LAMA2: variants seen among roughly 807,000 people sequenced by gnomAD.
LAMA2 encodes the protein laminin subunit alpha-2.
In LAMA2, 269 loss-of-function variants were observed where a neutral mutation model predicts 364.8. That is an observed-to-expected ratio of 0.74 (90% CI 0.67 to 0.82). The LOEUF is 0.82. Ranked by LOEUF, LAMA2 falls within the 40% of genes least tolerant of loss-of-function variation. The pLI, the probability that LAMA2 is intolerant of heterozygous loss-of-function variation, is 0.00. For missense variants in LAMA2, 3,807 were observed against 3,873.2 expected (o/e 0.98, Z 0.45); for synonymous variants, 1,379 against 1,370.6 (o/e 1.01, Z -0.14).
chr6:129,452,961 GT>G, intron 45 of LAMA2, 26 bp from the exon 46 acceptor site: 1 of 1,606,526 alleles, frequency 6.2e-7, no homozygotes, highest in Non-Finnish European at 8.5e-7. Flanking sequence ...TTTACTCTTG[GT>G]TCTTTGTATC....
chr6:129,079,743 A>G (rs1330699607), intron 3 of LAMA2, among the ~76,000 whole-genome samples: 1 of 152,144 alleles, frequency 6.6e-6, no homozygotes, highest in East Asian at 1.9e-4. Context: ...ATCTTGAAAC[A>G]TGACAGATAC....
chr6:129,137,826 G>T (rs771593002), intron 4 of LAMA2, among the ~76,000 whole-genome samples: 1 of 151,610 alleles, frequency 6.6e-6, no homozygotes, highest in Non-Finnish European at 1.5e-5. Context: ...AAACACTGAG[G>T]GTTTACAATA....
At chr6:128,898,115 A>C (rs1422127214) in intron 1 of LAMA2, among the ~76,000 whole-genome samples, 1 of 152,248 alleles carries the variant, frequency 6.6e-6, no homozygotes, top group Non-Finnish European at 1.5e-5. Context: ...TGGAATCATC[A>C]TTCAAAGACT....
At chr6:129,405,991 T>G (rs1450951284) in intron 40 of LAMA2, among the ~76,000 whole-genome samples, 1 of 151,978 alleles carries the variant, frequency 6.6e-6, no homozygotes, top group Non-Finnish European at 1.5e-5. Flanking sequence ...AAACAATTTA[T>G]ACATTTGCAG....
At chr6:129,413,563 A>G (rs2114715475) in intron 40 of LAMA2, among the ~76,000 whole-genome samples, 1 of 152,308 alleles carries the variant, frequency 6.6e-6, no homozygotes, top group East Asian at 1.9e-4. Flanking sequence ...TAATGATCCA[A>G]TAGCATCTAG....
chr6:128,993,082 G>T (rs1783705303), intron 1 of LAMA2, among the ~76,000 whole-genome samples: 1 of 152,152 alleles, frequency 6.6e-6, no homozygotes, highest in Admixed American at 6.6e-5. Context: ...CACATTGTGA[G>T]ATCTTTCTGA....
At chr6:129,291,876 C>T (rs1789725148) in intron 20 of LAMA2, among the ~76,000 whole-genome samples, 156 bp downstream of exon 20, 1 of 152,066 alleles carries the variant, frequency 6.6e-6, no homozygotes, top group Non-Finnish European at 1.5e-5. Flanking sequence ...AAGTTTTTTT[C>T]AAACTAGAAC....
intron 9 of LAMA2, among the ~76,000 whole-genome samples, chr6:129,168,849 G>A (rs1779937212): frequency 7.0e-6 from 1 of 143,412 alleles, no homozygotes; most frequent in Non-Finnish European, 1.5e-5. Context: ...CTTGAGCAGT[G>A]GTTTGTAGTT....
intron 12 of LAMA2, among the ~76,000 whole-genome samples, chr6:129,211,933 T>A (rs1783125608): frequency 6.6e-6 from 1 of 152,190 alleles, no homozygotes; most frequent in African/African-American, 2.4e-5. Context: ...TAATAATTCT[T>A]TGTTGAGTGA....
At chr6:129,099,930 A>C (rs1583041283) in intron 4 of LAMA2, among the ~76,000 whole-genome samples, 1 of 152,334 alleles carries the variant, frequency 6.6e-6, no homozygotes, top group Admixed American at 6.5e-5. Context: ...GTTTGGCCTG[A>C]GGATATGGGA....
Position 128,967,031 on chromosome 6 carries a change from C to T in LAMA2, c.113-82887C>T, listed in dbSNP as rs534367887. 2.6e-4 allele frequency among the ~76,000 whole-genome samples: 38 copies of T among 144,970 alleles called. No individual in the cohort carries two copies. In the South Asian group the frequency reaches 6.3e-3, roughly 24 times the overall value. On this transcript the variant is annotated intron_variant, in intron 1 of 64. Transcript: ENST00000421865. ...TGGGAAAAAGTCCTCACAAACTTTA[C>T]GCAAATTGTTAGAAAAGCTTATGTA...
chr6:129,512,651 A>G (rs908757790), intron 63 of LAMA2, among the ~76,000 whole-genome samples, 158 bp downstream of exon 63: 5 of 152,160 alleles, frequency 3.3e-5, no homozygotes, highest in Admixed American at 1.3e-4. Context: ...GATTACTTCA[A>G]TTTGTGTATG....
intron 1 of LAMA2, among the ~76,000 whole-genome samples, chr6:128,961,318 G>GATAGATAGATATAT (rs1257743658): frequency 5.2e-5 from 3 of 57,784 alleles, no homozygotes; most frequent in Admixed American, 4.2e-4. Context: ...GAACTAATAT[G>GATAGATAGATATAT]ATATATATAT....
chr6:128,958,266 A>G (rs1380272225), intron 1 of LAMA2, among the ~76,000 whole-genome samples: 1 of 152,080 alleles, frequency 6.6e-6, no homozygotes, highest in East Asian at 1.9e-4. Context: ...TGAAATCCAA[A>G]CAGTGTTATT....
intron 37 of LAMA2, among the ~76,000 whole-genome samples, chr6:129,399,855 A>G (rs530314316): frequency 1.3e-5 from 2 of 152,320 alleles, no homozygotes; most frequent in East Asian, 1.9e-4. Flanking sequence ...TGTGATTTCT[A>G]TAATAGAAGA....
chr6:129,275,367 A>T (rs1322886814), intron 17 of LAMA2, among the ~76,000 whole-genome samples: 3 of 152,070 alleles, frequency 2.0e-5, no homozygotes, highest in African/African-American at 7.2e-5. Flanking sequence ...GATAGTGATT[A>T]TACAGCTTGC....
chr6:128,888,881 C>CA (rs1046886294), intron 1 of LAMA2, among the ~76,000 whole-genome samples: 3 of 152,164 alleles, frequency 2.0e-5, no homozygotes, highest in Non-Finnish European at 4.4e-5. Context: ...GGGACTAGAC[C>CA]AACAGTCCAA....
intron 58 of LAMA2, among the ~76,000 whole-genome samples, chr6:129,496,243 T>C (rs1785183910): frequency 6.6e-6 from 1 of 152,222 alleles, no homozygotes; most frequent in Non-Finnish European, 1.5e-5. Flanking sequence ...CTCGTCTCAC[T>C]GCAACCTCCA....
intron 12 of LAMA2, among the ~76,000 whole-genome samples, chr6:129,246,521 G>A (rs1481759843): frequency 6.6e-6 from 1 of 152,186 alleles, no homozygotes; most frequent in Non-Finnish European, 1.5e-5. Context: ...GAACACAGGG[G>A]TAGATAGATC....
Sources: allele counts gnomAD v4.1 joint callset (sites outside exome capture counted in the v4.1 genomes callset), GRCh38; gene constraint gnomAD v4.1.1; transcripts MANE v1.5; gene names NCBI Gene and HGNC (gene_info 2026-07-23, HGNC 2026-07-21).